Variants in PTBP2 observed in about 807,000 individuals in gnomAD.
The protein encoded by PTBP2 is polypyrimidine tract binding protein 2, also known as polypyrimidine tract-binding protein 2.
In PTBP2, 13 loss-of-function variants were observed where a neutral mutation model predicts 61.4. The observed-to-expected ratio is 0.21, with a 90% CI of 0.14 to 0.34. The LOEUF (loss-of-function observed/expected upper bound fraction) is 0.34, where lower values mean the gene tolerates loss of function less well. Among genes scored for constraint, PTBP2 ranks in the 10% least tolerant of loss-of-function variants. The probability of loss-of-function intolerance (pLI) is 1.00; values close to 1 mark genes in which losing one functional copy is unlikely to be tolerated. For missense variants in PTBP2, 405 were observed against 642.6 expected, an observed-to-expected ratio of 0.63 and a Z score of 4.00; for synonymous variants, 215 against 218.5, an observed-to-expected ratio of 0.98 and a Z score of 0.14.
chr1:96,802,853 C>T (rs1661156863), intron 8 of PTBP2, among the ~76,000 whole-genome samples: 1 of 152,110 alleles, frequency 6.6e-6, no homozygotes, highest in Admixed American at 6.5e-5. Flanking sequence ...GTTTCTGCTA[C>T]TAATAAATAA....
intron 8 of PTBP2, among the ~76,000 whole-genome samples, chr1:96,803,019 A>G (rs571173107): frequency 6.6e-6 from 1 of 152,268 alleles, no homozygotes; most frequent in Non-Finnish European, 1.5e-5. Flanking sequence ...TTAGGAATGT[A>G]TACTTGACAA....
At chr1:96,791,614 G>T (rs887076690) in intron 8 of PTBP2, among the ~76,000 whole-genome samples, 1 of 152,000 alleles carries the variant, frequency 6.6e-6, no homozygotes, top group Admixed American at 6.6e-5. Context: ...CATATATACT[G>T]GTTTCTAAGA....
At chr1:96,811,020 A>G (rs1004379880) in intron 11 of PTBP2, among the ~76,000 whole-genome samples, 2 of 151,980 alleles carry the variant, frequency 1.3e-5, no homozygotes, top group African/African-American at 4.8e-5. Context: ...AACTTAAAAT[A>G]TATAACACTG....
intron 8 of PTBP2, among the ~76,000 whole-genome samples, chr1:96,799,627 A>G (rs1342352799): frequency 3.3e-5 from 5 of 152,202 alleles, no homozygotes; most frequent in African/African-American, 4.8e-5. Flanking sequence ...AAATCATTAA[A>G]GTTAAAATTA....
At chr1:96,743,477 C>T (rs573932325) in intron 2 of PTBP2, among the ~76,000 whole-genome samples, 1 of 152,192 alleles carries the variant, frequency 6.6e-6, no homozygotes, top group Admixed American at 6.5e-5. Flanking sequence ...TATTACAGAG[C>T]GCATCATCCT....
chr1:96,765,165 T>C (rs1186121179), intron 3 of PTBP2, among the ~76,000 whole-genome samples: 1 of 152,108 alleles, frequency 6.6e-6, no homozygotes, highest in Non-Finnish European at 1.5e-5. Flanking sequence ...TAGAAAACAC[T>C]GCTTTGCCTT....
At chr1:96,751,071 A>G (rs1654475488) in intron 2 of PTBP2, among the ~76,000 whole-genome samples, 1 of 152,094 alleles carries the variant, frequency 6.6e-6, no homozygotes, top group African/African-American at 2.4e-5. Flanking sequence ...ATAAAGGACC[A>G]TTGGGATGGA....
At chr1:96,777,524 A>G in intron 5 of PTBP2, 61 bp from the exon 6 acceptor site, 1 of 1,435,394 alleles carries the variant, frequency 7.0e-7, no homozygotes, top group Non-Finnish European at 9.4e-7. Context: ...GTAGTGTAAC[A>G]GGTTGCAAAG....
At chr1:96,787,419 C>T (rs1000566920) in intron 8 of PTBP2, among the ~76,000 whole-genome samples, 4 of 152,202 alleles carry the variant, frequency 2.6e-5, no homozygotes, top group African/African-American at 4.8e-5. Flanking sequence ...TCTTTTTCCA[C>T]TTCTGTGTTG....
At chr1:96,806,773 T>C in intron 10 of PTBP2, 93 bp from the exon 11 acceptor site, 1 of 874,684 alleles carries the variant, frequency 1.1e-6, no homozygotes, top group East Asian at 2.5e-5. Context: ...GATGTCTGAA[T>C]GTTTCATTGA....
intron 1 of PTBP2, 115 bp downstream of exon 1, chr1:96,721,987 G>T: frequency 1.5e-6 from 2 of 1,379,038 alleles, no homozygotes. Context: ...CTGGGCTGCC[G>T]TTACCCAACC....
intron 8 of PTBP2, among the ~76,000 whole-genome samples, chr1:96,789,107 T>C (rs1177882971): frequency 6.6e-6 from 1 of 151,966 alleles, no homozygotes. Context: ...TTTAGAAAAA[T>C]TGCTGGAAGT....
downstream of PTBP2, chr1:96,819,438 TTC>T (rs1404841259): frequency 2.6e-5 from 4 of 151,994 alleles, no homozygotes; most frequent in Non-Finnish European, 5.9e-5. Flanking sequence ...CCACCCCCAT[TTC>T]TCTCTCAACC....
At chr1:96,796,610 T>C (rs1162267870) in intron 8 of PTBP2, among the ~76,000 whole-genome samples, 2 of 152,090 alleles carry the variant, frequency 1.3e-5, no homozygotes, top group Non-Finnish European at 1.5e-5. Flanking sequence ...TTAGCATTTG[T>C]GGGGTGTGTG....
chr1:96,794,036 C>G (rs952219642), intron 8 of PTBP2, among the ~76,000 whole-genome samples: 1 of 152,174 alleles, frequency 6.6e-6, no homozygotes, highest in African/African-American at 2.4e-5. Context: ...CCATTAAAAA[C>G]TTTTCACATA....
intron 2 of PTBP2, among the ~76,000 whole-genome samples, chr1:96,725,621 A>G (rs1037935036): frequency 6.6e-6 from 1 of 152,122 alleles, no homozygotes; most frequent in Non-Finnish European, 1.5e-5. Flanking sequence ...TTAAAAATCC[A>G]TTGTTTAATA....
chr1:96,806,373 T>TAA, intron 9 of PTBP2, 46 bp from the exon 10 acceptor site: 1 of 1,422,010 alleles, frequency 7.0e-7, no homozygotes, highest in East Asian at 2.3e-5. Flanking sequence ...TCCTCGACTC[T>TAA]TCTCTCTTCT....
chr1:96,772,577 C>T (rs183722008), intron 5 of PTBP2, among the ~76,000 whole-genome samples: 27 of 152,216 alleles, frequency 1.8e-4, no homozygotes, highest in African/African-American at 2.9e-4. Flanking sequence ...CTGTTCACTC[C>T]TCCCTCCCCC....
At chr1:96,805,527 C>T (rs1174838365) in intron 9 of PTBP2, among the ~76,000 whole-genome samples, 2 of 151,776 alleles carry the variant, frequency 1.3e-5, no homozygotes, top group Non-Finnish European at 2.9e-5. Context: ...ACCACCCCCT[C>T]CACCCAGTTA....
Sources: allele counts gnomAD v4.1 joint callset (sites outside exome capture counted in the v4.1 genomes callset), GRCh38; gene constraint gnomAD v4.1.1; transcripts MANE v1.5; gene names NCBI Gene and HGNC (gene_info 2026-07-23, HGNC 2026-07-21).